Variants in LIMD2 observed in about 807,000 individuals in gnomAD.
LIMD2 encodes LIM domain containing 2.
LIMD2 carries 11 observed loss-of-function variants against 16.0 expected under a neutral mutation model. That is an observed-to-expected ratio of 0.69 (90% confidence interval 0.43 to 1.14). The LOEUF (loss-of-function observed/expected upper bound fraction) is 1.14. Ranked by LOEUF, LIMD2 falls within the 50% of genes most tolerant of loss-of-function variation. The pLI, the probability that LIMD2 is intolerant of heterozygous loss-of-function variation, is 0.00. For missense variants in LIMD2, 168 were observed against 165.8 expected (o/e 1.01, Z -0.07); for synonymous variants, 60 against 67.1 (o/e 0.89, Z 0.52).
chr17:63,700,965 C>T (rs1458953519), upstream of LIMD2: 1 of 152,322 alleles, frequency 6.6e-6, no homozygotes, highest in Admixed American at 6.5e-5. The surrounding 1 kb of genome is among the most constrained non-coding windows in gnomAD (Gnocchi z 7.1). Context: ...AACGGGGGCC[C>T]CCTCTCCAAC....
chr17:63,700,810 C>T (rs923608143), upstream of LIMD2: 2 of 151,686 alleles, frequency 1.3e-5, no homozygotes, highest in African/African-American at 4.9e-5. This position sits in a 1 kb window ranked among gnomAD's most constrained non-coding sequence, Gnocchi z 7.1. Context: ...CACGAGGGCC[C>T]GGCAGCCCCG....
At position 63,699,297 on chromosome 17, in the gene LIMD2, ATGGC is replaced by A. The variant is rs1309903166; in HGVS notation, c.-3_1del. 6.2e-7 allele frequency: 1 copy of A among 1,607,074 alleles called. No individual in the cohort carries two copies. Among genetic ancestry groups the A allele is most frequent in the Non-Finnish European group, 8.5e-7 (1 of 1,176,986 alleles). ...CTGGGCGGCTCCTGCAGCCTGGAAC[ATGGC>A]TCGTTGGAGGTGGAAGCCTCGGGTG... On this transcript the variant is annotated start_lost and start_retained_variant and 5_prime_UTR_variant, in exon 2 of 5. Transcript: ENST00000259006.
At chr17:63,699,405 G>T (rs549942320) in intron 1 of LIMD2, 57 bp from the exon 2 acceptor site, 51 of 1,465,760 alleles carry the variant, frequency 3.5e-5, no homozygotes, top group African/African-American at 5.7e-5. Flanking sequence ...CCTGCAGGGT[G>T]GGGGGTGTTG....
chr17:63,700,056 G>A lies in LIMD2; in HGVS notation c.-75C>T, dbSNP rs961861920. 1.6e-5 allele frequency: 16 copies of A among 984,106 alleles called. No homozygotes were observed. The highest frequency in any genetic ancestry group is 1.4e-4 in the African/African-American group (8 of 57,026). The allele number at this position is 984,106 out of a possible 1,614,324, so 61.0% of individuals were successfully genotyped here. ...CCAGGCCCGGCCTGGGCCGCGGGGCGGGATCGGTCTCCGGGGGCGCACGGG... is the reference window on the plus strand; with the variant it reads ...CCAGGCCCGGCCTGGGCCGCGGGGCAGGATCGGTCTCCGGGGGCGCACGGG... On this transcript the variant is annotated 5_prime_UTR_variant, in exon 1 of 5. Coordinates refer to ENST00000259006, the MANE Select transcript of LIMD2 (RefSeq NM_030576.4). The surrounding 1 kb of genome is among the most constrained non-coding windows in gnomAD (Gnocchi z 7.1).
In LIMD2 at chr17:63,699,477, G is replaced by C. The variant is rs549122161; in HGVS notation, c.-50-129C>G. 9 of 878,828 alleles carry C rather than the reference G, an allele frequency of 1.0e-5. No homozygotes were observed. In the South Asian group the frequency reaches 1.2e-4, roughly 11 times the overall value. 54.4% of individuals were successfully genotyped at this position (878,828 alleles called of 1,614,324 possible). Reference sequence around the variant, plus strand: ...CCCTAAGTCATTTCCTGTTGCTCTTGGTCTTGCCACTTCCGCCCCTCACCC... The same window carrying C: ...CCCTAAGTCATTTCCTGTTGCTCTTCGTCTTGCCACTTCCGCCCCTCACCC... On this transcript the variant is annotated intron_variant, in intron 1 of 4. Coordinates refer to ENST00000259006, the MANE Select transcript of LIMD2 (RefSeq NM_030576.4).
At position 63,696,050 on chromosome 17, in the gene LIMD2, C is replaced by T. The variant is rs534039546; in HGVS notation, c.*2502G>A. ...GCCGTGCCGTCACTTTCTCATCATT[C>T]CATGGGGTGTGTCTGCCTGGGCCAA... On this transcript the variant is annotated 3_prime_UTR_variant, in exon 5 of 5. Transcript: ENST00000259006. The T allele has an allele frequency of 6.6e-6, 1 of 152,586 alleles. No individual in the cohort carries two copies. Among genetic ancestry groups the T allele is most frequent in the Non-Finnish European group, 1.5e-5 (1 of 68,092 alleles). The allele number at this position is 152,586 out of a possible 1,614,324, so 9.5% of individuals were successfully genotyped here.
At position 63,696,378 on chromosome 17, in the gene LIMD2, A is replaced by G. The variant is rs1021660188; in HGVS notation, c.*2174T>C. 1 of 152,360 alleles carries G rather than the reference A, an allele frequency of 6.6e-6. No individual in the cohort carries two copies. The highest frequency in any genetic ancestry group is 1.5e-5 in the Non-Finnish European group (1 of 68,040). 9.4% of individuals were successfully genotyped at this position (152,360 alleles called of 1,614,324 possible). ...GGTTTTTGCTTAGCAGGGGCCAGGT[A>G]TGGTGCCTGGCAACGAGCCTGGGCC... On this transcript the variant is annotated 3_prime_UTR_variant, in exon 5 of 5. Coordinates refer to ENST00000259006, the MANE Select transcript of LIMD2 (RefSeq NM_030576.4).
At chr17:63,700,753 G>A (rs2035773239), upstream of LIMD2, 1 of 151,576 alleles carries the variant, frequency 6.6e-6, no homozygotes, top group African/African-American at 2.4e-5. The surrounding 1 kb of genome is among the most constrained non-coding windows in gnomAD (Gnocchi z 7.1). Context: ...GCGGCGTCCG[G>A]GCACGCGGTC....
At chr17:63,699,151 GGC>G in intron 2 of LIMD2, 82 bp from the exon 3 acceptor site, 1 of 1,580,828 alleles carries the variant, frequency 6.3e-7, no homozygotes, top group Non-Finnish European at 8.6e-7. Context: ...AAGGCCCAGG[GGC>G]GCGCCGCAGG....
intron 1 of LIMD2, 88 bp from the exon 2 acceptor site, chr17:63,699,436 T>C: frequency 7.6e-7 from 1 of 1,310,808 alleles, no homozygotes; most frequent in East Asian, 2.6e-5. Context: ...GCTGGGGGGA[T>C]TGCGGTTGGG....
In LIMD2 at chr17:63,699,289, C is replaced by T; in HGVS notation, c.10G>A (p.Ala4Thr). Residue 4 changes from alanine (A) to threonine (T), a missense_variant, in exon 2 of 5, where the codon GCT becomes ACT. Coordinates refer to ENST00000259006, the MANE Select transcript of LIMD2 (RefSeq NM_030576.4). ...GGGGTGGCCTGGGCGGCTCCTGCAG[C>T]CTGGAACATGGCTCGTTGGAGGTGG... MFQ[A>T]AGAAQATPSH... The T allele has an allele frequency of 6.2e-7, 1 of 1,609,368 alleles. No homozygotes were observed. The highest frequency in any genetic ancestry group is 1.3e-5 in the African/African-American group (1 of 74,948).
rs543516320 is a variant in LIMD2, at chr17:63,698,530, G to A, written c.*22C>T. The A allele has an allele frequency of 1.9e-6, 3 of 1,611,038 alleles. No homozygotes were observed. The highest frequency in any genetic ancestry group is 1.3e-5 in the African/African-American group (1 of 74,970). On this transcript the variant is annotated 3_prime_UTR_variant, in exon 5 of 5. Coordinates refer to ENST00000259006, the MANE Select transcript of LIMD2 (RefSeq NM_030576.4). ...TGCCGGCTCCAGGCCTTCCGCAGAG[G>A]GGGTGGAAGGTTACAGAGGCCTCAG...
chr17:63,698,267 T>TG lies in LIMD2; in HGVS notation c.*284dup. 2.2e-6 allele frequency: 1 copy of TG among 458,222 alleles called. No individual in the cohort carries two copies. The highest frequency in any genetic ancestry group is 4.0e-6 in the Non-Finnish European group (1 of 252,232). The allele number at this position is 458,222 out of a possible 1,614,324, so 28.4% of individuals were successfully genotyped here. On this transcript the variant is annotated 3_prime_UTR_variant, in exon 5 of 5. Coordinates refer to ENST00000259006, the MANE Select transcript of LIMD2 (RefSeq NM_030576.4). ...GGCACCTAGATAGGGGAGCTGGGCT[T>TG]GGGGGCCTCCCAGGGGGTCCTGGGG... is the stretch of plus-strand genomic sequence containing the variant.
chr17:63,698,190 T>G lies in LIMD2; in HGVS notation c.*362A>C. On this transcript the variant is annotated 3_prime_UTR_variant, in exon 5 of 5. Transcript: ENST00000259006. ...GGGGCCACACAGTCTCCGGTGGCAG[T>G]GAGGGAGCTTGGGACCCTGAGGGGG... is the stretch of plus-strand genomic sequence containing the variant. 1 of 266,210 alleles carries G rather than the reference T, an allele frequency of 3.8e-6. No individual in the cohort carries two copies. Among genetic ancestry groups the G allele is most frequent in the Non-Finnish European group, 7.4e-6 (1 of 135,938 alleles). 16.5% of individuals were successfully genotyped at this position (266,210 alleles called of 1,614,324 possible).
Position 63,700,112 on chromosome 17 carries a change from C to T in LIMD2, c.-131G>A, listed in dbSNP as rs1211525802. 3 of 984,994 alleles carry T rather than the reference C, an allele frequency of 3.0e-6. No individual in the cohort carries two copies. The East Asian group carries it at 3.4e-4, about 113-fold the overall frequency. The allele number at this position is 984,994 out of a possible 1,614,324, so 61.0% of individuals were successfully genotyped here. On this transcript the variant is annotated 5_prime_UTR_variant, in exon 1 of 5. Transcript: ENST00000259006. This position sits in a 1 kb window ranked among gnomAD's most constrained non-coding sequence, Gnocchi z 7.1. ...GGAGGGCGCGGGCGCGAGCTGCTGC[C>T]GCTACCAGTGGTCCCCGAGCCACCG...
Position 63,698,377 on chromosome 17 carries a change from G to T in LIMD2, c.*175C>A, listed in dbSNP as rs950232819. The T allele has an allele frequency of 1.3e-6, 1 of 750,260 alleles. No individual in the cohort carries two copies. Among genetic ancestry groups the T allele is most frequent in the South Asian group, 1.9e-5 (1 of 53,452 alleles). 46.5% of individuals were successfully genotyped at this position (750,260 alleles called of 1,614,324 possible). On this transcript the variant is annotated 3_prime_UTR_variant, in exon 5 of 5. Coordinates refer to ENST00000259006, the MANE Select transcript of LIMD2 (RefSeq NM_030576.4). The stretch of plus-strand genomic sequence containing the variant: ...TGGTTTCCAAACCCTCACCGGCTGC[G>T]GGAGAAGGAAGAAGGAAGGAGTCCT...
chr17:63,700,606 C>G (rs2035770712), upstream of LIMD2: 1 of 152,014 alleles, frequency 6.6e-6, no homozygotes, highest in Admixed American at 6.6e-5. This position sits in a 1 kb window ranked among gnomAD's most constrained non-coding sequence, Gnocchi z 7.1. Context: ...GCCGGCGCCC[C>G]CATCCCCGCC....
rs1237787483 is a variant in LIMD2 at position 63,699,013 on chromosome 17, G to A, written c.84+15C>T. 1.9e-6 allele frequency: 3 copies of A among 1,609,610 alleles called. No individual in the cohort carries two copies. Among genetic ancestry groups the A allele is most frequent in the Non-Finnish European group, 2.5e-6 (3 of 1,178,270 alleles). ...TCACACCCCTCCTCCCGCACACCCG[G>A]CCCCAGGCCCCTACCTTGGAGCGCT... On this transcript the variant is annotated intron_variant, in intron 3 of 4. Coordinates refer to ENST00000259006, the MANE Select transcript of LIMD2 (RefSeq NM_030576.4).
In LIMD2 at chr17:63,700,100, G is replaced by C; in HGVS notation, c.-119C>G. ...GCACGGGTACGAGGAGGGCGCGGGC[G>C]CGAGCTGCTGCCGCTACCAGTGGTC... On this transcript the variant is annotated 5_prime_UTR_variant, in exon 1 of 5. Coordinates refer to ENST00000259006, the MANE Select transcript of LIMD2 (RefSeq NM_030576.4). This position sits in a 1 kb window ranked among gnomAD's most constrained non-coding sequence, Gnocchi z 7.1. 1.0e-6 allele frequency: 1 copy of C among 984,608 alleles called. No individual in the cohort carries two copies. Among genetic ancestry groups the C allele is most frequent in the Non-Finnish European group, 1.2e-6 (1 of 829,344 alleles). The allele number at this position is 984,608 out of a possible 1,614,324, so 61.0% of individuals were successfully genotyped here. A position where few individuals can be genotyped will look rare whatever the true frequency, so the allele number is the denominator to read the frequency against.
Sources: gnomAD v4.1 joint callset for allele counts on GRCh38, gnomAD v4.1.1 for gene constraint, Gnocchi (gnomAD v3.1) non-coding constraint, MANE v1.5 for transcripts, NCBI Gene and HGNC (gene_info 2026-07-23, HGNC 2026-07-21) for gene names.